The following IL33 variants were observed in gnomAD, a reference collection of about 807,000 sequenced individuals.
The protein encoded by IL33 is interleukin-33.
IL33 carries 37 observed loss-of-function variants against 27.3 expected under a neutral mutation model. The observed-to-expected ratio is 1.36, with a 90% CI of 1.04 to 1.78. The LOEUF is 1.78. IL33 is among the 40% of genes most tolerant of loss of function. IL33 has a pLI of 0.00. For synonymous variants in IL33, 132 were observed against 102.9 expected, an observed-to-expected ratio of 1.28 and a Z score of -1.71; for missense variants, 406 against 311.4, an observed-to-expected ratio of 1.30 and a Z score of -2.29.
chr9:6,251,475 C>T (rs1292703666), intron 4 of IL33, among the ~76,000 whole-genome samples: 1 of 152,132 alleles, frequency 6.6e-6, no homozygotes, highest in African/African-American at 2.4e-5. Context: ...CTCTAGTTAG[C>T]ACTCCATCAT....
chr9:6,235,217 A>T (rs12341955), intron 1 of IL33, among the ~76,000 whole-genome samples: 61,669 of 151,536 alleles, frequency 0.41, 13,995 homozygotes, highest in Middle Eastern at 0.56. Context: ...ATTTTTAAAA[A>T]TTTTTTCTGT....
At chr9:6,239,003 T>C (rs944095770) in intron 1 of IL33, among the ~76,000 whole-genome samples, 3 of 152,122 alleles carry the variant, frequency 2.0e-5, no homozygotes, top group African/African-American at 7.2e-5. Context: ...GAATCAAGTA[T>C]TAAATTGGGG....
chr9:6,238,324 A>G (rs1819344384), intron 1 of IL33, among the ~76,000 whole-genome samples: 1 of 152,240 alleles, frequency 6.6e-6, no homozygotes, highest in Non-Finnish European at 1.5e-5. Context: ...CAAAAAAGGT[A>G]GGAGAATCAG....
intron 7 of IL33, among the ~76,000 whole-genome samples, 178 bp from the exon 8 acceptor site, chr9:6,255,790 C>G (rs1816690574): frequency 6.6e-6 from 1 of 152,092 alleles, no homozygotes; most frequent in African/African-American, 2.4e-5. Context: ...AATCCACCCA[C>G]TACCCCTCTG....
intron 1 of IL33, among the ~76,000 whole-genome samples, chr9:6,231,616 C>G (rs1014923348): frequency 2.0e-5 from 3 of 152,172 alleles, no homozygotes; most frequent in African/African-American, 7.2e-5. Flanking sequence ...TAACTTCTAT[C>G]TCCCCAATAG....
intron 1 of IL33, among the ~76,000 whole-genome samples, chr9:6,228,607 AGTGCTCTGGGAAGCCAAG>A (rs559095095): frequency 6.6e-6 from 1 of 152,128 alleles, no homozygotes; most frequent in East Asian, 1.9e-4. Context: ...CTGTAATCCC[AGTGCTCTGGGAAGCCAAG>A]GTGGAAGGAT....
At chr9:6,255,315 G>C (rs900631760) in intron 7 of IL33, among the ~76,000 whole-genome samples, 5 of 152,034 alleles carry the variant, frequency 3.3e-5, no homozygotes, top group African/African-American at 1.2e-4. Flanking sequence ...ATAAATAGTG[G>C]ATAGTAACCA....
In IL33 at chr9:6,252,040, A is replaced by AAAC. The variant is rs1564073015; in HGVS notation, c.343+777_343+778insCAA. Among the ~76,000 whole-genome samples, 23 of 29,356 alleles carry AAAC rather than the reference A, an allele frequency of 7.8e-4. 2 individuals are homozygous for AAAC. Among genetic ancestry groups the AAAC allele is most frequent in the African/African-American group, 2.0e-3 (23 of 11,584 alleles). The allele number at this position is 29,356 out of a possible 152,430, so 19.3% of individuals were successfully genotyped here. A position where few individuals can be genotyped will look rare whatever the true frequency, so the allele number is the denominator to read the frequency against. Reference sequence around the variant, plus strand: ...CAACAAGAGCGGCTGTCTCAGAAAAAAAACAAACAAACAAACAAAAAAAAA... The same window carrying AAAC: ...CAACAAGAGCGGCTGTCTCAGAAAAAAACAAACAAACAAACAAACAAAAAAAAA... On this transcript the variant is annotated intron_variant, in intron 4 of 7. Coordinates refer to ENST00000682010, the MANE Select transcript of IL33 (RefSeq NM_033439.4).
chr9:6,248,301 G>A (rs1819997399), intron 2 of IL33, among the ~76,000 whole-genome samples: 2 of 144,292 alleles, frequency 1.4e-5, no homozygotes, highest in African/African-American at 5.2e-5. Flanking sequence ...CTGGAGTGCA[G>A]TGGCACTATC....
chr9:6,236,331 G>A (rs199986651), intron 1 of IL33, among the ~76,000 whole-genome samples: 1 of 152,046 alleles, frequency 6.6e-6, no homozygotes, highest in East Asian at 1.9e-4. Flanking sequence ...ATAGAAAAAA[G>A]AATGTCAGGA....
intron 1 of IL33, among the ~76,000 whole-genome samples, chr9:6,237,603 A>G (rs1230369324): frequency 1.3e-5 from 2 of 152,210 alleles, no homozygotes; most frequent in Non-Finnish European, 2.9e-5. Flanking sequence ...ACTGAAAACA[A>G]TAGTTAAACA....
At chr9:6,240,841 C>T (rs564125784) in intron 1 of IL33, among the ~76,000 whole-genome samples, 4 of 152,054 alleles carry the variant, frequency 2.6e-5, no homozygotes, top group Non-Finnish European at 4.4e-5. Context: ...AATGTTTTGA[C>T]TCTTGTAATA....
intron 1 of IL33, among the ~76,000 whole-genome samples, chr9:6,220,204 C>T (rs537210877): frequency 1.3e-5 from 2 of 152,136 alleles, no homozygotes; most frequent in Non-Finnish European, 2.9e-5. Flanking sequence ...CTTGGCTGAG[C>T]GCTTTACTTT....
At chr9:6,240,615 C>T (rs1041027300) in intron 1 of IL33, among the ~76,000 whole-genome samples, 1 of 152,080 alleles carries the variant, frequency 6.6e-6, no homozygotes, top group Non-Finnish European at 1.5e-5. Flanking sequence ...GGCAATTAAC[C>T]ATGAATGGAG....
At chr9:6,223,763 T>C (rs1818511733) in intron 1 of IL33, among the ~76,000 whole-genome samples, 1 of 152,206 alleles carries the variant, frequency 6.6e-6, no homozygotes, top group Non-Finnish European at 1.5e-5. Context: ...AACACAGAAC[T>C]GAACAAGGCT....
intron 1 of IL33, among the ~76,000 whole-genome samples, chr9:6,223,368 C>T (rs567746795): frequency 6.6e-6 from 1 of 151,636 alleles, no homozygotes; most frequent in Admixed American, 6.6e-5. Context: ...TACTGGTAAT[C>T]TGCACTTTTT....
intron 1 of IL33, among the ~76,000 whole-genome samples, chr9:6,235,045 A>G (rs930311867): frequency 2.0e-5 from 3 of 151,984 alleles, no homozygotes; most frequent in Non-Finnish European, 2.9e-5. Flanking sequence ...CACTATCTTT[A>G]TTTTTTTCAT....
chr9:6,225,700 A>G (rs550971570), intron 1 of IL33, among the ~76,000 whole-genome samples: 36 of 152,216 alleles, frequency 2.4e-4, no homozygotes, highest in Non-Finnish European at 4.6e-4. Flanking sequence ...ATTGTCCTCA[A>G]TGACTGACAT....
intron 7 of IL33, 107 bp from the exon 8 acceptor site, chr9:6,255,861 T>C (rs1160783377): frequency 2.3e-6 from 2 of 856,990 alleles, no homozygotes; most frequent in African/African-American, 3.4e-5. Flanking sequence ...TTGCTAGAAA[T>C]ATCAAGTCAT....
Sources: gnomAD v4.1 joint callset for allele counts (sites outside exome capture counted in the v4.1 genomes callset) on GRCh38, gnomAD v4.1.1 for gene constraint, MANE v1.5 for transcripts, NCBI Gene and HGNC (gene_info 2026-07-23, HGNC 2026-07-21) for gene names.